Variants in PLCG2 observed in about 807,000 individuals in gnomAD.
PLCG2 encodes the protein 1-phosphatidylinositol 4,5-bisphosphate phosphodiesterase gamma-2.
Under a neutral mutation model 175.6 loss-of-function variants are expected in PLCG2, and 69 were observed. The ratio of observed to expected loss-of-function variants is 0.39; its 90% CI spans 0.32 to 0.48. PLCG2 has a LOEUF of 0.48. Ranked by LOEUF, PLCG2 falls within the 20% of genes least tolerant of loss-of-function variation. The pLI, the probability that PLCG2 is intolerant of heterozygous loss-of-function variation, is 0.91. For synonymous variants in PLCG2, 827 were observed against 624.0 expected, an observed-to-expected ratio of 1.33 and a Z score of -4.85; for missense variants, 1,798 against 1,650.9, an observed-to-expected ratio of 1.09 and a Z score of -1.54.
At chr16:81,814,002 G>C (rs977788716) in intron 2 of PLCG2, among the ~76,000 whole-genome samples, 2 of 152,160 alleles carry the variant, frequency 1.3e-5, no homozygotes, top group African/African-American at 4.8e-5. Context: ...GGTATTCAGG[G>C]GCATCTCTCT....
rs1243027857 is a variant in PLCG2, at chr16:81,792,302, C to T, written c.193+6120C>T. On this transcript the variant is annotated intron_variant, in intron 2 of 32. Coordinates refer to ENST00000564138, the MANE Select transcript of PLCG2 (RefSeq NM_002661.5). The stretch of plus-strand genomic sequence containing the variant: ...TTCGAGACCAGCCTAGCCAACATGG[C>T]GAAGCCCCATCTCTACTAAAAATAT... Among the ~76,000 whole-genome samples, 3 of 151,902 alleles carry T rather than the reference C, an allele frequency of 2.0e-5. No homozygotes were observed. In the East Asian group the frequency reaches 5.8e-4, roughly 29 times the overall value.
chr16:81,748,034 T>G (rs1364885800), intron 1 of PLCG2, among the ~76,000 whole-genome samples: 1 of 152,030 alleles, frequency 6.6e-6, no homozygotes, highest in Non-Finnish European at 1.5e-5. Context: ...GCAAGCACAC[T>G]CAGCTAATTT....
chr16:81,854,894 G>C (rs1001877336), intron 3 of PLCG2, among the ~76,000 whole-genome samples: 4 of 152,130 alleles, frequency 2.6e-5, no homozygotes, highest in Non-Finnish European at 5.9e-5. Flanking sequence ...TGATTAGATA[G>C]TTTTAACACT....
intron 27 of PLCG2, chr16:81,937,405 G>C (rs552035241): frequency 1.2e-5 from 2 of 163,770 alleles, no homozygotes; most frequent in East Asian, 1.7e-4. Context: ...TACTGCAGTA[G>C]GTATTTATAG....
intron 2 of PLCG2, among the ~76,000 whole-genome samples, chr16:81,757,926 G>T (rs1370175767): frequency 6.6e-6 from 1 of 151,954 alleles, no homozygotes; most frequent in Non-Finnish European, 1.5e-5. Context: ...GGCCTTTTGT[G>T]TCAGGCTTCT....
chr16:81,949,243 A>G (rs1190480695), intron 31 of PLCG2, among the ~76,000 whole-genome samples: 1 of 152,218 alleles, frequency 6.6e-6, no homozygotes, highest in Non-Finnish European at 1.5e-5. Flanking sequence ...TAGCGAATAA[A>G]GGAAGTGTTT....
At chr16:81,812,218 T>C (rs187625694) in intron 2 of PLCG2, among the ~76,000 whole-genome samples, 1 of 151,856 alleles carries the variant, frequency 6.6e-6, no homozygotes, top group Non-Finnish European at 1.5e-5. Context: ...CCTGGCTAAT[T>C]TTTTGTATTT....
intron 5 of PLCG2, among the ~76,000 whole-genome samples, chr16:81,867,633 G>A (rs1460548706): frequency 6.6e-6 from 1 of 151,934 alleles, no homozygotes; most frequent in African/African-American, 2.4e-5. Context: ...TTCAGCTTTT[G>A]TTACTATTGT....
chr16:81,880,112 A>T (rs1013221013), intron 7 of PLCG2, among the ~76,000 whole-genome samples: 6 of 152,196 alleles, frequency 3.9e-5, no homozygotes, highest in Non-Finnish European at 8.8e-5. Context: ...ATGGTGGCGC[A>T]TGCCTGTAGT....
rs146682485 is a variant in PLCG2 at position 81,813,433 on chromosome 16, A to G, written c.193+27251A>G. Among the ~76,000 whole-genome samples the G allele has an allele frequency of 5.3e-3, 806 of 152,286 alleles. 16 individuals carry two copies. The highest frequency in any genetic ancestry group is 0.046 in the East Asian group (237 of 5,190). On this transcript the variant is annotated intron_variant, in intron 2 of 32. Transcript: ENST00000564138. ...TAGGTATTTTATTCTCTTAGTAGCA[A>G]TTGTGAATGGGAGTTCACTCATGAT...
chr16:81,778,046 A>C (rs557958793), upstream of PLCG2, among the ~76,000 whole-genome samples: 5 of 89,326 alleles, frequency 5.6e-5, 1 homozygote, highest in East Asian at 1.3e-3. Context: ...AAAAAAACAA[A>C]AAAAAAAACA....
At chr16:81,773,734 C>T (rs115989869) in intron 2 of PLCG2, among the ~76,000 whole-genome samples, 188 of 152,236 alleles carry the variant, frequency 1.2e-3, no homozygotes, top group African/African-American at 4.4e-3. Flanking sequence ...CTTGGATATG[C>T]GTTCGCAGAC....
intron 13 of PLCG2, among the ~76,000 whole-genome samples, chr16:81,899,115 G>A (rs1187218770): frequency 6.6e-6 from 1 of 152,056 alleles, no homozygotes; most frequent in Non-Finnish European, 1.5e-5. Context: ...CTTGAACTTG[G>A]GAGGCGGAGG....
At chr16:81,871,490 C>G (rs1242829436) in intron 7 of PLCG2, among the ~76,000 whole-genome samples, 2 of 152,104 alleles carry the variant, frequency 1.3e-5, no homozygotes, top group Non-Finnish European at 2.9e-5. Context: ...AGACGTGCGC[C>G]ACCACGCCCA....
At chr16:81,939,145 A>T (rs1597145723) in intron 29 of PLCG2, among the ~76,000 whole-genome samples, 1 of 152,194 alleles carries the variant, frequency 6.6e-6, no homozygotes, top group Non-Finnish European at 1.5e-5. Context: ...CAAGTCCGGA[A>T]TCGTAGGTGA....
At chr16:81,769,624 C>G (rs1248960161) in intron 2 of PLCG2, among the ~76,000 whole-genome samples, 1 of 151,542 alleles carries the variant, frequency 6.6e-6, no homozygotes, top group Non-Finnish European at 1.5e-5. Flanking sequence ...ACCATCCCGG[C>G]TAAAAAAACG....
intron 2 of PLCG2, among the ~76,000 whole-genome samples, chr16:81,831,666 G>C (rs535394272): frequency 6.6e-6 from 1 of 152,152 alleles, no homozygotes; most frequent in Admixed American, 6.5e-5. Flanking sequence ...TGTACCCCGA[G>C]TGGGACTCAG....
At chr16:81,871,712 G>C (rs1315510176) in intron 7 of PLCG2, among the ~76,000 whole-genome samples, 2 of 152,162 alleles carry the variant, frequency 1.3e-5, no homozygotes, top group Non-Finnish European at 2.9e-5. Context: ...TAAAAATTAA[G>C]AGGGTGTATG....
intron 2 of PLCG2, among the ~76,000 whole-genome samples, chr16:81,772,030 A>G (rs978788933): frequency 2.0e-5 from 3 of 152,106 alleles, no homozygotes; most frequent in African/African-American, 7.2e-5. Context: ...TGATCTGCCC[A>G]CTTCGGCTTC....
Sources: allele counts gnomAD v4.1 joint callset (sites outside exome capture counted in the v4.1 genomes callset), GRCh38; gene constraint gnomAD v4.1.1; transcripts MANE v1.5; gene names NCBI Gene and HGNC (gene_info 2026-07-23, HGNC 2026-07-21).